The following ADAMTSL1 variants were observed in gnomAD, a reference collection of about 807,000 sequenced individuals.
The protein encoded by ADAMTSL1 is ADAMTS-like protein 1.
Under a neutral mutation model 201.8 loss-of-function variants are expected in ADAMTSL1, and 126 were observed. That is an observed-to-expected ratio of 0.62 (90% CI 0.54 to 0.72). The LOEUF is 0.72. Ranked by LOEUF, ADAMTSL1 falls within the 30% of genes least tolerant of loss-of-function variation. ADAMTSL1 has a pLI of 0.00. For synonymous variants in ADAMTSL1, 1,121 were observed against 903.4 expected (o/e 1.24, Z -4.32); for missense variants, 2,679 against 2,277.8 (o/e 1.18, Z -3.59).
At chr9:18,446,952 A>G (rs1407574487) in intron 2 of ADAMTSL1, among the ~76,000 whole-genome samples, 1 of 149,866 alleles carries the variant, frequency 6.7e-6, no homozygotes, top group Admixed American at 6.6e-5. Context: ...TTGCTTTAAA[A>G]TTTCAAATTA....
chr9:18,805,953 C>G (rs901040781), intron 20 of ADAMTSL1, among the ~76,000 whole-genome samples: 1 of 152,196 alleles, frequency 6.6e-6, no homozygotes, highest in African/African-American at 2.4e-5. Context: ...TCTCTTCACC[C>G]TGAGAATGAA....
intron 20 of ADAMTSL1, among the ~76,000 whole-genome samples, chr9:18,807,440 C>G (rs1432155032): frequency 6.6e-6 from 1 of 151,906 alleles, no homozygotes; most frequent in Admixed American, 6.6e-5. Flanking sequence ...GTCAGGAGAT[C>G]GAGACCATCC....
At chr9:18,205,283 C>T (rs1235307693) in intron 2 of ADAMTSL1, among the ~76,000 whole-genome samples, 1 of 151,968 alleles carries the variant, frequency 6.6e-6, no homozygotes, top group Non-Finnish European at 1.5e-5. Flanking sequence ...AATAGTTTAC[C>T]AATTTAATTG....
intron 20 of ADAMTSL1, among the ~76,000 whole-genome samples, chr9:18,816,715 T>C (rs1050312508): frequency 1.4e-5 from 2 of 138,754 alleles, no homozygotes; most frequent in Non-Finnish European, 3.1e-5. Context: ...TCTTCAACCC[T>C]TGGTCTTTTT....
intron 23 of ADAMTSL1, among the ~76,000 whole-genome samples, chr9:18,846,987 G>A (rs1826157892): frequency 6.6e-6 from 1 of 152,202 alleles, no homozygotes; most frequent in Admixed American, 6.5e-5. Context: ...AGCTACATGG[G>A]TGTGTAATGC....
At chr9:18,526,815 C>G (rs1819089407) in intron 2 of ADAMTSL1, among the ~76,000 whole-genome samples, 1 of 152,162 alleles carries the variant, frequency 6.6e-6, no homozygotes, top group Non-Finnish European at 1.5e-5. Context: ...TCCAGTACTA[C>G]TTAAAATCCC....
chr9:18,190,428 C>T (rs1232083348), intron 2 of ADAMTSL1, among the ~76,000 whole-genome samples: 1 of 152,152 alleles, frequency 6.6e-6, no homozygotes, highest in Admixed American at 6.5e-5. Context: ...GTGACCAGCA[C>T]ACTCTTGTAC....
intron 2 of ADAMTSL1, among the ~76,000 whole-genome samples, chr9:18,425,687 C>A (rs1455315779): frequency 1.3e-5 from 2 of 151,446 alleles, no homozygotes. Context: ...GAACCCATCT[C>A]TAAATAAGTT....
At chr9:18,261,822 A>T (rs553773687) in intron 2 of ADAMTSL1, among the ~76,000 whole-genome samples, 20 of 152,222 alleles carry the variant, frequency 1.3e-4, no homozygotes, top group African/African-American at 4.8e-4. Context: ...AGCACCCTAA[A>T]TAAAATCAAA....
At chr9:18,433,547 T>C (rs1290133126) in intron 2 of ADAMTSL1, among the ~76,000 whole-genome samples, 3 of 152,130 alleles carry the variant, frequency 2.0e-5, no homozygotes, top group Non-Finnish European at 4.4e-5. Flanking sequence ...ATAGACTTGA[T>C]CTTAATATAT....
chr9:18,683,301 T>C (rs1355641084), intron 12 of ADAMTSL1, among the ~76,000 whole-genome samples: 1 of 151,236 alleles, frequency 6.6e-6, no homozygotes, highest in Non-Finnish European at 1.5e-5. Context: ...CTCGGCTCAC[T>C]GCAACCTCTG....
At chr9:18,345,414 A>AAAAT (rs1261508758) in intron 2 of ADAMTSL1, among the ~76,000 whole-genome samples, 5 of 151,702 alleles carry the variant, frequency 3.3e-5, no homozygotes, top group Non-Finnish European at 7.4e-5. Flanking sequence ...ATTTCAGAAA[A>AAAAT]AATTGAATTT....
At chr9:18,292,598 G>C (rs1404735598) in intron 2 of ADAMTSL1, among the ~76,000 whole-genome samples, 2 of 152,112 alleles carry the variant, frequency 1.3e-5, no homozygotes, top group African/African-American at 4.8e-5. Flanking sequence ...CTAGAATAAA[G>C]CAAGCAGGAG....
chr9:18,096,997 T>G (rs2131833490), intron 1 of ADAMTSL1, among the ~76,000 whole-genome samples: 1 of 152,356 alleles, frequency 6.6e-6, no homozygotes, highest in South Asian at 2.1e-4. Flanking sequence ...ATGAGATTTC[T>G]TAAATGTATT....
At chr9:18,766,878 C>G (rs534867761) in intron 16 of ADAMTSL1, among the ~76,000 whole-genome samples, 1 of 152,122 alleles carries the variant, frequency 6.6e-6, no homozygotes, top group African/African-American at 2.4e-5. Context: ...AGGGAGGACA[C>G]AGACATTCAG....
chr9:18,213,883 G>A (rs1829970672), intron 2 of ADAMTSL1, among the ~76,000 whole-genome samples: 1 of 152,058 alleles, frequency 6.6e-6, no homozygotes, highest in Admixed American at 6.5e-5. Flanking sequence ...GGGATTACAC[G>A]CCTGGCTTGC....
chr9:18,482,761 T>C (rs1821793232), intron 1 of ADAMTSL1, among the ~76,000 whole-genome samples: 1 of 152,184 alleles, frequency 6.6e-6, no homozygotes, highest in South Asian at 2.1e-4. Context: ...TTGTACTTCA[T>C]CAATACAACT....
At chr9:18,865,659 C>T (rs1043775075) in intron 23 of ADAMTSL1, among the ~76,000 whole-genome samples, 12 of 152,144 alleles carry the variant, frequency 7.9e-5, no homozygotes, top group African/African-American at 2.9e-4. Context: ...GTGAATCACA[C>T]CTGGCTTTGG....
chr9:17,967,574 G>T (rs998105587), intron 1 of ADAMTSL1, among the ~76,000 whole-genome samples: 1 of 151,942 alleles, frequency 6.6e-6, no homozygotes, highest in African/African-American at 2.4e-5. Context: ...ACAAAAAAGA[G>T]GCTTAGGAAG....
Sources: gnomAD v4.1 joint callset for allele counts (sites outside exome capture counted in the v4.1 genomes callset) on GRCh38, gnomAD v4.1.1 for gene constraint, MANE v1.5 for transcripts, NCBI Gene and HGNC (gene_info 2026-07-23, HGNC 2026-07-21) for gene names.